The following EXOC3L2 variants were observed in gnomAD, a reference collection of about 807,000 sequenced individuals.
EXOC3L2 encodes the protein exocyst complex component 3-like protein 2.
A neutral mutation model predicts 44.4 loss-of-function variants in EXOC3L2; 17 were observed. The ratio of observed to expected loss-of-function variants is 0.38; its 90% CI spans 0.26 to 0.57. EXOC3L2 has a LOEUF of 0.57. Among genes scored for constraint, EXOC3L2 ranks in the 20% least tolerant of loss-of-function variants. The probability of loss-of-function intolerance (pLI) is 0.65; values close to 1 mark genes in which losing one functional copy is unlikely to be tolerated. For missense variants in EXOC3L2, 541 were observed against 588.4 expected, an observed-to-expected ratio of 0.92 and a Z score of 0.83; for synonymous variants, 256 against 253.7, an observed-to-expected ratio of 1.01 and a Z score of -0.09.
chr19:45,220,224 G>A (rs899817111), intron 8 of EXOC3L2, among the ~76,000 whole-genome samples: 2 of 151,984 alleles, frequency 1.3e-5, no homozygotes, highest in Non-Finnish European at 2.9e-5. Flanking sequence ...GCTCATGCCT[G>A]TAATCTCAGC....
At chr19:45,215,627 C>G (rs1490731125) in intron 11 of EXOC3L2, among the ~76,000 whole-genome samples, 1 of 152,210 alleles carries the variant, frequency 6.6e-6, no homozygotes. Context: ...GAGAATACTA[C>G]TATCCCCATG....
intron 4 of EXOC3L2, 93 bp downstream of exon 4, chr19:45,231,670 G>T: frequency 9.2e-7 from 1 of 1,086,966 alleles, no homozygotes; most frequent in Non-Finnish European, 1.4e-6. Flanking sequence ...GAGTTGGAAA[G>T]AGTGAAAGGT....
chr19:45,213,005 C>T lies in EXOC3L2; in HGVS notation c.*64G>A, dbSNP rs1352593053. 6.4e-6 allele frequency: 9 copies of T among 1,412,492 alleles called. No individual in the cohort carries two copies. The highest frequency in any genetic ancestry group is 4.8e-5 in the South Asian group (3 of 62,698). 87.5% of individuals were successfully genotyped at this position (1,412,492 alleles called of 1,614,324 possible). Reference sequence around the variant, plus strand: ...CCAGGCAGGGAGTCAGGAGGGGCGCCGTACGGGAGGTTGGCTTGTCAGCAG... The same window carrying T: ...CCAGGCAGGGAGTCAGGAGGGGCGCTGTACGGGAGGTTGGCTTGTCAGCAG... On this transcript the variant is annotated 3_prime_UTR_variant, in exon 12 of 12. Coordinates refer to ENST00000413988, the MANE Select transcript of EXOC3L2 (RefSeq NM_001382422.1).
chr19:45,217,461 T>C, intron 10 of EXOC3L2, 67 bp downstream of exon 10: 2 of 1,448,970 alleles, frequency 1.4e-6, no homozygotes, highest in Admixed American at 2.7e-5. Flanking sequence ...TTTTGGGACC[T>C]GAGATTCTCG....
chr19:45,229,451 GTATTA>G (rs1970006793), intron 4 of EXOC3L2, among the ~76,000 whole-genome samples: 1 of 146,192 alleles, frequency 6.8e-6, no homozygotes, highest in Non-Finnish European at 1.5e-5. Flanking sequence ...TAATTAGTAT[GTATTA>G]TATACTATAG....
Position 45,234,239 on chromosome 19 carries a change from C to T in EXOC3L2, c.1111G>A (p.Ala371Thr). The change falls in exon 3 of 12, where the codon GCC (alanine) becomes ACC (threonine). Residue 371 changes from alanine (A) to threonine (T), a missense_variant. Coordinates refer to ENST00000413988, the MANE Select transcript of EXOC3L2 (RefSeq NM_001382422.1). This position sits in a 1 kb window ranked among gnomAD's most constrained non-coding sequence, Gnocchi z 5.0. ...GASARRRLPL[A>T]DRYALLHWHN... ...CAGTGCAGCAGCGCGTAGCGGTCGG[C>T]CAGCGGCAGCCTGCGACGGGCGGAG... 2.5e-6 allele frequency: 1 copy of T among 396,746 alleles called. No individual in the cohort carries two copies. 24.6% of individuals were successfully genotyped at this position (396,746 alleles called of 1,614,324 possible). A position where few individuals can be genotyped will look rare whatever the true frequency, so the allele number is the denominator to read the frequency against.
chr19:45,226,745 C>CTCT (rs1233685289), intron 7 of EXOC3L2, among the ~76,000 whole-genome samples: 37 of 111,740 alleles, frequency 3.3e-4, no homozygotes, highest in African/African-American at 1.6e-3. Context: ...TGACTCCCAT[C>CTCT]TCTTTTTTTT....
At chr19:45,240,975 C>G (rs1970126561) in intron 1 of EXOC3L2, among the ~76,000 whole-genome samples, 1 of 152,184 alleles carries the variant, frequency 6.6e-6, no homozygotes, top group South Asian at 2.1e-4. Flanking sequence ...GCGTTAGGGA[C>G]ACAGCAGTGG....
At chr19:45,236,903 G>A (rs1432003718) in intron 2 of EXOC3L2, among the ~76,000 whole-genome samples, 1 of 151,934 alleles carries the variant, frequency 6.6e-6, no homozygotes, top group Non-Finnish European at 1.5e-5. Context: ...TACTCAGGAG[G>A]TTGAGACAGG....
chr19:45,216,214 C>T lies in EXOC3L2; in HGVS notation c.1999-20G>A, dbSNP rs370905823. Reference sequence around the variant, plus strand: ...GGACTCCTGCAGGGGAGGGAGGGTGCGGGGTCACACCCTCCCAAGATTGAC... The same window carrying T: ...GGACTCCTGCAGGGGAGGGAGGGTGTGGGGTCACACCCTCCCAAGATTGAC... On this transcript the variant is annotated intron_variant, in intron 10 of 11. Coordinates refer to ENST00000413988, the MANE Select transcript of EXOC3L2 (RefSeq NM_001382422.1). 13 of 1,610,916 alleles carry T rather than the reference C, an allele frequency of 8.1e-6. No homozygotes were observed. The highest frequency in any genetic ancestry group is 2.7e-5 in the African/African-American group (2 of 74,840).
intron 2 of EXOC3L2, among the ~76,000 whole-genome samples, chr19:45,237,770 A>T (rs1970096642): frequency 6.6e-6 from 1 of 152,234 alleles, no homozygotes; most frequent in African/African-American, 2.4e-5. Context: ...TGATTTGGAA[A>T]TAGGGTCTTT....
At position 45,213,217 on chromosome 19, in the gene EXOC3L2, G is replaced by A. The variant is rs760177432; in HGVS notation, c.2261C>T (p.Ala754Val). ...LSPPRDRAFF[A>V]DIPVPRPSFC... ...AGATGGGCGGGGCACAGGGATGTCT[G>A]CAAAGAAGGCACGGTCCCGAGGGGG... Residue 754 changes from alanine (A) to valine (V), a missense_variant, in exon 12 of 12, where the codon GCA (alanine) becomes GTA (valine). Ala to Val is a moderately conservative substitution (Grantham distance 64). Transcript: ENST00000413988. 8 of 1,611,700 alleles carry A rather than the reference G, an allele frequency of 5.0e-6. No individual in the cohort carries two copies. The highest frequency in any genetic ancestry group is 1.3e-5 in the African/African-American group (1 of 74,842).
In EXOC3L2 at chr19:45,238,074, G is replaced by A. The variant is rs1019063425; in HGVS notation, c.523+449C>T. 1.3e-5 allele frequency among the ~76,000 whole-genome samples: 2 copies of A among 152,134 alleles called. No individual in the cohort carries two copies. The highest frequency in any genetic ancestry group is 2.9e-5 in the Non-Finnish European group (2 of 68,028). ...AATTGTTTGAACCCCAGAGGCAGAG[G>A]ATGCAGTGAGCCAAGATTGCACCAC... On this transcript the variant is annotated intron_variant, in intron 2 of 11. Coordinates refer to ENST00000413988, the MANE Select transcript of EXOC3L2 (RefSeq NM_001382422.1). This position sits in a 1 kb window ranked among gnomAD's most constrained non-coding sequence, Gnocchi z 5.5.
At chr19:45,218,145 TCCTCCCCTCTTTTCCCCCACCCCCA>T in intron 9 of EXOC3L2, 27 bp downstream of exon 9, 1 of 1,099,186 alleles carries the variant, frequency 9.1e-7, no homozygotes, top group Non-Finnish European at 1.2e-6. Context: ...TCCCCTTTCC[TCCTCCCCTCTTTTCCCCCACCCCCA>T]CCTCCCCTCC....
chr19:45,227,835 C>A (rs183418915), intron 6 of EXOC3L2, 63 bp from the exon 7 acceptor site: 1 of 1,545,816 alleles, frequency 6.5e-7, no homozygotes, highest in Non-Finnish European at 8.8e-7. Context: ...GGGCACCCAG[C>A]CTGCCAAAGC....
Position 45,234,298 on chromosome 19 carries a change from C to A in EXOC3L2, c.1052G>T (p.Gly351Val). 1 of 391,408 alleles carries A rather than the reference C, an allele frequency of 2.6e-6. No homozygotes were observed. The highest frequency in any genetic ancestry group is 4.5e-6 in the Non-Finnish European group (1 of 221,388). The allele number at this position is 391,408 out of a possible 1,614,324, so 24.2% of individuals were successfully genotyped here. Residue 351 changes from glycine (G) to valine (V), a missense_variant, in exon 3 of 12, where the codon GGC (glycine) becomes GTC (valine). Gly to Val is a moderately radical substitution (Grantham distance 109). Transcript: ENST00000413988. This position sits in a 1 kb window ranked among gnomAD's most constrained non-coding sequence, Gnocchi z 5.0. Reference sequence around the variant, plus strand: ...CCACTCGGCCAGGGCCCCGTGGTAGCCGCGCAGGTAGACGCCGAAGGCGCC... The same window carrying A: ...CCACTCGGCCAGGGCCCCGTGGTAGACGCGCAGGTAGACGCCGAAGGCGCC... ...GLGAFGVYLR[G>V]YHGALAEWLG...
rs370326702 is a variant in EXOC3L2, at chr19:45,213,075, C to G, written c.2403G>C (p.Gln801His). The part of the protein sequence containing the change: ...RPPSLARPRA[Q>H]R The stretch of plus-strand genomic sequence containing the variant: ...GCCGGCGGTTGGGTGACCCTCAGCG[C>G]TGGGCCCGAGGTCGCGCTAGAGACG... Residue 801 changes from glutamine (Q) to histidine (H), a missense_variant, in exon 12 of 12, where the codon CAG (glutamine) becomes CAC (histidine). Gln to His is a conservative substitution (Grantham distance 24). Coordinates refer to ENST00000413988, the MANE Select transcript of EXOC3L2 (RefSeq NM_001382422.1). The G allele has an allele frequency of 2.5e-5, 37 of 1,494,894 alleles. No homozygotes were observed. The East Asian group carries it at 2.8e-4, about 11-fold the overall frequency. The allele number at this position is 1,494,894 out of a possible 1,614,324, so 92.6% of individuals were successfully genotyped here. A position where few individuals can be genotyped will look rare whatever the true frequency, so the allele number is the denominator to read the frequency against.
At chr19:45,244,900 T>A (rs1268919452) in intron 1 of EXOC3L2, among the ~76,000 whole-genome samples, 1 of 151,726 alleles carries the variant, frequency 6.6e-6, no homozygotes, top group African/African-American at 2.4e-5. Context: ...CCCAACCTGA[T>A]CTCGGTCTCT....
At chr19:45,239,204 A>G in intron 1 of EXOC3L2, 143 bp from the exon 2 acceptor site, 1 of 376,126 alleles carries the variant, frequency 2.7e-6, no homozygotes, top group Non-Finnish European at 4.7e-6. Flanking sequence ...GCACAAGCTT[A>G]TAAGATGGGG....
Sources: allele counts gnomAD v4.1 joint callset (sites outside exome capture counted in the v4.1 genomes callset), GRCh38; gene constraint gnomAD v4.1.1; non-coding constraint Gnocchi (gnomAD v3.1); transcripts MANE v1.5; gene names NCBI Gene and HGNC (gene_info 2026-07-23, HGNC 2026-07-21).